Variants in CCT7 observed in about 807,000 individuals in gnomAD.
The protein encoded by CCT7 is chaperonin containing TCP1 subunit 7.
Under a neutral mutation model 56.6 loss-of-function variants are expected in CCT7, and 16 were observed. The observed-to-expected ratio is 0.28, with a 90% confidence interval of 0.19 to 0.43. The LOEUF is 0.43. Ranked by LOEUF, CCT7 falls within the 20% of genes least tolerant of loss-of-function variation. The pLI, the probability that CCT7 is intolerant of heterozygous loss-of-function variation, is 1.00. For missense variants in CCT7, 519 were observed against 685.6 expected, an observed-to-expected ratio of 0.76 and a Z score of 2.71; for synonymous variants, 262 against 254.8, an observed-to-expected ratio of 1.03 and a Z score of -0.27.
intron 11 of CCT7, among the ~76,000 whole-genome samples, 171 bp from the exon 12 acceptor site, chr2:73,252,469 G>A (rs1389429044): frequency 6.6e-6 from 1 of 151,740 alleles, no homozygotes; most frequent in Non-Finnish European, 1.5e-5. Context: ...CGGGAGTAGG[G>A]GTGTTTCCAG....
intron 7 of CCT7, 99 bp downstream of exon 7, chr2:73,248,025 G>GC (rs1558568391): frequency 1.2e-5 from 12 of 1,036,164 alleles, no homozygotes; most frequent in African/African-American, 3.2e-5. Context: ...TTCTCTTCCT[G>GC]CCCCCCTGAA....
intron 8 of CCT7, among the ~76,000 whole-genome samples, chr2:73,249,471 T>C (rs765436810): frequency 1.3e-5 from 2 of 152,196 alleles, no homozygotes; most frequent in Non-Finnish European, 2.9e-5. Flanking sequence ...GCCAGATTTT[T>C]TCCCTTTCAT....
chr2:73,249,081 A>C lies in CCT7; in HGVS notation c.874A>C (p.Lys292Gln). The C allele has an allele frequency of 6.2e-7, 1 of 1,614,160 alleles. No individual in the cohort carries two copies. Among genetic ancestry groups the C allele is most frequent in the Non-Finnish European group, 8.5e-7 (1 of 1,180,000 alleles). ...HHSGAKVVLS[K>Q]LPIGDVATQY... ...TTCTGGAGCCAAAGTTGTCTTGTCC[A>C]AACTCCCCATTGGGGATGTGGCCAC... The change falls in exon 8 of 12, where the codon AAA becomes CAA. Residue 292 changes from lysine (K) to glutamine (Q), a missense_variant. This residue lies in a region of CCT7 where 276 missense variants were observed against 357.3 expected (regional missense o/e 0.77). Transcript: ENST00000258091.
rs748758066 is a variant in CCT7 at position 73,244,539 on chromosome 2, C to T, written c.447-5C>T. ...CCTGATGCAGATTCTGCCCTTGTGT[C>T]CCAGGGAGCAGAGGAAGCTGCTGGA... On this transcript the variant is annotated splice_region_variant and splice_polypyrimidine_tract_variant and intron_variant, in intron 5 of 11. Transcript: ENST00000258091. 1.1e-5 allele frequency: 18 copies of T among 1,605,350 alleles called. No individual in the cohort carries two copies. The highest frequency in any genetic ancestry group is 1.4e-5 in the Non-Finnish European group (16 of 1,174,166).
intron 6 of CCT7, among the ~76,000 whole-genome samples, chr2:73,246,478 G>A (rs1687343502): frequency 6.6e-6 from 1 of 152,058 alleles, no homozygotes; most frequent in Admixed American, 6.6e-5. Flanking sequence ...TGGTACTATT[G>A]CCACCCCTCT....
At chr2:73,245,526 G>GTAGC (rs1385975130) in intron 6 of CCT7, among the ~76,000 whole-genome samples, 2 of 152,208 alleles carry the variant, frequency 1.3e-5, no homozygotes, top group East Asian at 3.8e-4. Flanking sequence ...ATGGCAACAT[G>GTAGC]TAGCTAGTGG....
intron 6 of CCT7, among the ~76,000 whole-genome samples, 163 bp from the exon 7 acceptor site, chr2:73,247,599 G>T (rs1364130044): frequency 6.6e-6 from 1 of 151,554 alleles, no homozygotes; most frequent in Non-Finnish European, 1.5e-5. Context: ...AAAAGGATTT[G>T]TCTTCGATTT....
At chr2:73,246,586 A>T (rs573237716) in intron 6 of CCT7, among the ~76,000 whole-genome samples, 6 of 152,248 alleles carry the variant, frequency 3.9e-5, no homozygotes, top group Admixed American at 1.3e-4. Flanking sequence ...TGATATCTAC[A>T]TTCCCTATAC....
At chr2:73,252,110 T>C (rs1687618014) in intron 11 of CCT7, among the ~76,000 whole-genome samples, 1 of 152,030 alleles carries the variant, frequency 6.6e-6, no homozygotes, top group African/African-American at 2.4e-5. Context: ...TCTGAGAGTT[T>C]AATTTCTCCA....
chr2:73,244,065 GTT>G lies in CCT7; in HGVS notation c.446+32_446+33del, dbSNP rs11289471. The G allele has an allele frequency of 6.5e-3, 9,059 of 1,399,198 alleles. No homozygotes were observed. Among genetic ancestry groups the G allele is most frequent in the Admixed American group, 0.01 (464 of 45,022 alleles). 86.7% of individuals were successfully genotyped at this position (1,399,198 alleles called of 1,614,324 possible). A position where few individuals can be genotyped will look rare whatever the true frequency, so the allele number is the denominator to read the frequency against. On this transcript the variant is annotated intron_variant, in intron 5 of 11. Transcript: ENST00000258091. ...CAGATAAAGTGTAAGTCTGTAGTGG[GTT>G]TTTTTTTTTTTTTTTAAAGAGACGG...
intron 6 of CCT7, among the ~76,000 whole-genome samples, chr2:73,246,502 C>A (rs1687344247): frequency 6.6e-6 from 1 of 152,200 alleles, no homozygotes; most frequent in Admixed American, 6.5e-5. Context: ...AGTCTTGGAT[C>A]CCCTAAATCC....
At chr2:73,235,367 T>C (rs745321131) in intron 1 of CCT7, among the ~76,000 whole-genome samples, 8 of 152,234 alleles carry the variant, frequency 5.3e-5, no homozygotes, top group African/African-American at 7.2e-5. Flanking sequence ...AGTTCACTTA[T>C]TCATTTTGGC....
chr2:73,240,445 A>C lies in CCT7; in HGVS notation c.169A>C (p.Thr57Pro), dbSNP rs748537266. The stretch of plus-strand genomic sequence containing the variant: ...TGTTTGTTTCTTTTAAGGCAAAGCA[A>C]CAATTTCTAATGATGGGGCCACAAT... ...KLIVDGRGKA[T>P]ISNDGATILK... Residue 57 changes from threonine to proline, a missense_variant, in exon 3 of 12, where the codon ACA (threonine) becomes CCA (proline). By Grantham distance (38) the Thr-to-Pro change is conservative. Transcript: ENST00000258091. The C allele has an allele frequency of 6.2e-7, 1 of 1,610,738 alleles. No homozygotes were observed. Among genetic ancestry groups the C allele is most frequent in the Non-Finnish European group, 8.5e-7 (1 of 1,178,142 alleles).
chr2:73,252,324 G>GATATATATAT lies in CCT7; in HGVS notation c.1411-298_1411-289dup, dbSNP rs57359293. Among the ~76,000 whole-genome samples the GATATATATAT allele has an allele frequency of 7.8e-3, 987 of 127,282 alleles. 11 individuals are homozygous for GATATATATAT. Among genetic ancestry groups the GATATATATAT allele is most frequent in the African/African-American group, 0.024 (780 of 33,024 alleles). 83.5% of individuals were successfully genotyped at this position (127,282 alleles called of 152,430 possible). ...TGTTTATCTTGAGAACTCATTGTTTGATATATATATATATATATATATATA... is the reference window on the plus strand; with the variant it reads ...TGTTTATCTTGAGAACTCATTGTTTGATATATATATATATATATATATATATATATATATA... On this transcript the variant is annotated intron_variant, in intron 11 of 11. Transcript: ENST00000258091.
chr2:73,251,070 G>A (rs1482607027), intron 10 of CCT7, among the ~76,000 whole-genome samples, 156 bp from the exon 11 acceptor site: 1 of 152,178 alleles, frequency 6.6e-6, no homozygotes, highest in Admixed American at 6.5e-5. Context: ...AAGTTGGGAT[G>A]TTCTAGATAG....
intron 4 of CCT7, 30 bp downstream of exon 4, chr2:73,243,159 G>A: frequency 6.2e-7 from 1 of 1,603,434 alleles, no homozygotes; most frequent in South Asian, 1.1e-5. Context: ...CCTTCTCTTG[G>A]GCCTGGACAC....
chr2:73,243,193 G>T, intron 4 of CCT7, 64 bp downstream of exon 4: 1 of 1,580,138 alleles, frequency 6.3e-7, no homozygotes, highest in Non-Finnish European at 8.6e-7. Flanking sequence ...TTAGGAAGGG[G>T]AATTTCTTTT....
chr2:73,238,175 C>A (rs552709102), intron 1 of CCT7, among the ~76,000 whole-genome samples: 1 of 152,282 alleles, frequency 6.6e-6, no homozygotes, highest in African/African-American at 2.4e-5. Context: ...CTCAAGTGAT[C>A]CTCTTTTTTC....
chr2:73,240,170 A>G (rs1188674104), intron 2 of CCT7: 1 of 337,048 alleles, frequency 3.0e-6, no homozygotes, highest in African/African-American at 2.1e-5. Context: ...GGTTACTTTT[A>G]TTTAAAAAAT....
Sources: gnomAD v4.1 joint callset for allele counts (sites outside exome capture counted in the v4.1 genomes callset) on GRCh38, gnomAD v4.1.1 for gene constraint, gnomAD v4.1.1 regional missense constraint, MANE v1.5 for transcripts, NCBI Gene and HGNC (gene_info 2026-07-23, HGNC 2026-07-21) for gene names.